Variants in MYO5B observed in about 807,000 individuals in gnomAD.
MYO5B encodes myosin VB.
Under a neutral mutation model 229.3 loss-of-function variants are expected in MYO5B, and 143 were observed. The observed-to-expected ratio is 0.62, with a 90% CI of 0.54 to 0.72. The LOEUF is 0.72. Ranked by LOEUF, MYO5B falls within the 30% of genes least tolerant of loss-of-function variation. The pLI, the probability that MYO5B is intolerant of heterozygous loss-of-function variation, is 0.00. For missense variants in MYO5B, 2,321 were observed against 2,331.0 expected (o/e 1.00, Z 0.09); for synonymous variants, 918 against 885.2 (o/e 1.04, Z -0.66).
chr18:49,869,079 A>C (rs1291937012), intron 27 of MYO5B, among the ~76,000 whole-genome samples: 5 of 152,198 alleles, frequency 3.3e-5, no homozygotes, highest in Non-Finnish European at 5.9e-5. Flanking sequence ...GAGGCAGCTG[A>C]GTGGCCAGGT....
intron 33 of MYO5B, among the ~76,000 whole-genome samples, chr18:49,843,691 G>C (rs1281154349): frequency 1.3e-5 from 2 of 152,334 alleles, no homozygotes; most frequent in East Asian, 3.9e-4. Flanking sequence ...TGGAGGAAAA[G>C]TGCCTGCAAG....
At chr18:50,077,841 A>C (rs1217123849) in intron 1 of MYO5B, among the ~76,000 whole-genome samples, 1 of 152,164 alleles carries the variant, frequency 6.6e-6, no homozygotes, top group Non-Finnish European at 1.5e-5. Flanking sequence ...CTTCACCCTA[A>C]GGCCCACTGC....
chr18:49,917,405 G>T (rs1169521519), intron 17 of MYO5B, among the ~76,000 whole-genome samples: 1 of 151,472 alleles, frequency 6.6e-6, no homozygotes, highest in East Asian at 1.9e-4. Flanking sequence ...CAGCATCTTT[G>T]GATCATTATC....
At chr18:50,161,535 G>C (rs563138318) in intron 1 of MYO5B, among the ~76,000 whole-genome samples, 2 of 152,074 alleles carry the variant, frequency 1.3e-5, no homozygotes, top group African/African-American at 2.4e-5. Context: ...GGCGGGGTGG[G>C]GGGGCACAGG....
At chr18:50,111,247 A>G (rs1331316851) in intron 1 of MYO5B, among the ~76,000 whole-genome samples, 6 of 152,248 alleles carry the variant, frequency 3.9e-5, no homozygotes, top group Non-Finnish European at 8.8e-5. Context: ...CACTGCCATC[A>G]TTTATAATCT....
intron 1 of MYO5B, among the ~76,000 whole-genome samples, chr18:50,079,914 G>A (rs946248402): frequency 6.6e-6 from 1 of 152,216 alleles, no homozygotes; most frequent in African/African-American, 2.4e-5. Flanking sequence ...CAATGGTGCT[G>A]TTCAGTCACA....
chr18:50,151,915 C>T (rs1309302256), intron 1 of MYO5B, among the ~76,000 whole-genome samples: 1 of 152,142 alleles, frequency 6.6e-6, no homozygotes, highest in Admixed American at 6.5e-5. Flanking sequence ...CCTGCCTTCC[C>T]GCTCCAGGGA....
At chr18:50,023,516 C>T (rs2026299295) in intron 4 of MYO5B, among the ~76,000 whole-genome samples, 1 of 152,184 alleles carries the variant, frequency 6.6e-6, no homozygotes, top group African/African-American at 2.4e-5. Flanking sequence ...CCATGATCCT[C>T]TTCTCTGGCC....
chr18:50,172,966 C>G (rs911656885), intron 1 of MYO5B, among the ~76,000 whole-genome samples: 3 of 152,158 alleles, frequency 2.0e-5, no homozygotes, highest in Non-Finnish European at 2.9e-5. Context: ...GTTCAGTGAA[C>G]AAAGAAGCCA....
rs750155182 is a variant in MYO5B at position 49,849,540 on chromosome 18, A to C, written c.4315+27T>G. 19 of 1,538,896 alleles carry C rather than the reference A, an allele frequency of 1.2e-5. No homozygotes were observed. In the African/African-American group the frequency reaches 2.5e-4, roughly 20 times the overall value. On this transcript the variant is annotated intron_variant, in intron 32 of 39. Coordinates refer to ENST00000285039, the MANE Select transcript of MYO5B (RefSeq NM_001080467.3). ...GTGGCCAAGTATACCTGTGATTCAC[A>C]AAACACACTCACTCACACCCCCCTA...
intron 17 of MYO5B, among the ~76,000 whole-genome samples, chr18:49,927,179 T>C (rs1478106967): frequency 6.6e-6 from 1 of 152,070 alleles, no homozygotes; most frequent in Non-Finnish European, 1.5e-5. Context: ...GTGAAAGACC[T>C]CTACAAGGAA....
In MYO5B at chr18:50,055,422, C is replaced by G. The variant is rs370962878; in HGVS notation, c.28-44G>C. The G allele has an allele frequency of 1.6e-5, 25 of 1,522,324 alleles. 1 individual carries two copies. The highest frequency in any genetic ancestry group is 1.4e-4 in the African/African-American group (10 of 73,172). 94.3% of individuals were successfully genotyped at this position (1,522,324 alleles called of 1,614,324 possible). A position where few individuals can be genotyped will look rare whatever the true frequency, so the allele number is the denominator to read the frequency against. ...AGAAACTTAGATACAGAACAAAGCT[C>G]TCAGATTTCTAAATGTGTGTCACTA... On this transcript the variant is annotated intron_variant, in intron 1 of 39. Coordinates refer to ENST00000285039, the MANE Select transcript of MYO5B (RefSeq NM_001080467.3).
chr18:50,018,930 G>A (rs2026245314), intron 4 of MYO5B, among the ~76,000 whole-genome samples: 1 of 152,184 alleles, frequency 6.6e-6, no homozygotes, highest in African/African-American at 2.4e-5. Flanking sequence ...AACTAAAGAG[G>A]TAGCACTTTT....
intron 5 of MYO5B, among the ~76,000 whole-genome samples, chr18:49,999,644 G>A (rs975026604): frequency 2.0e-5 from 3 of 152,088 alleles, no homozygotes; most frequent in African/African-American, 4.8e-5. Flanking sequence ...GTATTAAAGG[G>A]GATTATTTCC....
In MYO5B at chr18:49,875,910, A is replaced by C. The variant is rs657424; in HGVS notation, c.3397-83T>G. On this transcript the variant is annotated intron_variant, in intron 25 of 39. Coordinates refer to ENST00000285039, the MANE Select transcript of MYO5B (RefSeq NM_001080467.3). ...ACACAGCACTTCACTGCCTCCCTCT[A>C]TATCAGCCATCTGTCTCCTCTCTCC... 1,254,728 of 1,515,692 alleles carry C rather than the reference A, an allele frequency of 0.83. 520,882 individuals carry two copies. Among genetic ancestry groups the C allele is most frequent in the East Asian group, 0.97 (42,923 of 44,278 alleles). The allele number at this position is 1,515,692 out of a possible 1,614,324, so 93.9% of individuals were successfully genotyped here.
At chr18:50,124,794 A>C (rs1177786450) in intron 1 of MYO5B, among the ~76,000 whole-genome samples, 3 of 151,704 alleles carry the variant, frequency 2.0e-5, no homozygotes, top group Non-Finnish European at 4.4e-5. Flanking sequence ...TTTGAAAAGT[A>C]TATGTTATTT....
At chr18:49,947,195 TC>T (rs1193947152) in intron 14 of MYO5B, among the ~76,000 whole-genome samples, 70 of 137,478 alleles carry the variant, frequency 5.1e-4, no homozygotes, top group Non-Finnish European at 1.5e-4. Flanking sequence ...AAACTCCACC[TC>T]CCGGGTTCAC....
intron 7 of MYO5B, among the ~76,000 whole-genome samples, chr18:49,990,130 A>G (rs1352621632): frequency 6.6e-6 from 1 of 152,200 alleles, no homozygotes; most frequent in African/African-American, 2.4e-5. Flanking sequence ...CACATTTCCT[A>G]TGATGCTTAA....
At chr18:50,047,667 A>G (rs372923754) in intron 2 of MYO5B, among the ~76,000 whole-genome samples, 1 of 152,128 alleles carries the variant, frequency 6.6e-6, no homozygotes, top group Non-Finnish European at 1.5e-5. Flanking sequence ...ACTATTCACA[A>G]TAGCAAAGAC....
Sources: allele counts gnomAD v4.1 joint callset (sites outside exome capture counted in the v4.1 genomes callset), GRCh38; gene constraint gnomAD v4.1.1; transcripts MANE v1.5; gene names NCBI Gene and HGNC (gene_info 2026-07-23, HGNC 2026-07-21).